DPP10: variants seen among roughly 807,000 people sequenced by gnomAD.
DPP10 encodes dipeptidyl peptidase like 10, also known as inactive dipeptidyl peptidase 10.
DPP10 carries 33 observed loss-of-function variants against 120.9 expected under a neutral mutation model. The observed-to-expected ratio is 0.27, with a 90% CI of 0.21 to 0.37. The LOEUF is 0.37. DPP10 is among the 10% of genes least tolerant of loss of function. The probability of loss-of-function intolerance (pLI) is 1.00; values close to 1 mark genes in which losing one functional copy is unlikely to be tolerated. For synonymous variants in DPP10, 337 were observed against 326.1 expected, an observed-to-expected ratio of 1.03 and a Z score of -0.36; for missense variants, 816 against 942.8, an observed-to-expected ratio of 0.87 and a Z score of 1.76.
chr2:115,437,752 A>G (rs1338369748), intron 3 of DPP10, among the ~76,000 whole-genome samples: 6 of 152,032 alleles, frequency 3.9e-5, no homozygotes, highest in African/African-American at 1.2e-4. Flanking sequence ...ATGTTCATCT[A>G]GTAGAAAATA....
At chr2:114,551,879 T>C (rs959260042) in intron 1 of DPP10, among the ~76,000 whole-genome samples, 4 of 152,164 alleles carry the variant, frequency 2.6e-5, no homozygotes, top group African/African-American at 9.7e-5. Context: ...TCAAATACTA[T>C]TGAGAAAAAT....
chr2:115,339,370 G>A (rs2063327760), intron 2 of DPP10, among the ~76,000 whole-genome samples: 1 of 151,626 alleles, frequency 6.6e-6, no homozygotes, highest in Admixed American at 6.6e-5. Flanking sequence ...AATGTAAAAT[G>A]GTAAAACTAC....
intron 1 of DPP10, among the ~76,000 whole-genome samples, chr2:114,843,420 C>T (rs1252035139): frequency 6.6e-6 from 1 of 152,092 alleles, no homozygotes; most frequent in Non-Finnish European, 1.5e-5. Flanking sequence ...GGCTCCACAC[C>T]TTCCTGTGCT....
chr2:115,367,422 C>T (rs1468036736), intron 3 of DPP10, among the ~76,000 whole-genome samples: 1 of 151,920 alleles, frequency 6.6e-6, no homozygotes, highest in Non-Finnish European at 1.5e-5. Flanking sequence ...CTACTATATA[C>T]AACTATATAT....
At chr2:115,309,452 G>A (rs538030841) in intron 2 of DPP10, 99 bp downstream of exon 2, 45 of 1,120,188 alleles carry the variant, frequency 4.0e-5, no homozygotes, top group Non-Finnish European at 5.3e-5. Context: ...GTATCTTAGG[G>A]CACATTAGCA....
At position 115,378,460 on chromosome 2, in the gene DPP10, A is replaced by G. The variant is rs896297371; in HGVS notation, c.271+34548A>G. On this transcript the variant is annotated intron_variant, in intron 3 of 25. Coordinates refer to ENST00000410059, the MANE Select transcript of DPP10 (RefSeq NM_020868.6). ...GCTTAAGGAGATTTTGGGCTGAGAC[A>G]ATGGGGTTTTCTAGATATAGAATCA... Among the ~76,000 whole-genome samples, 10 of 151,820 alleles carry G rather than the reference A, an allele frequency of 6.6e-5. No homozygotes were observed. In the East Asian group the frequency reaches 1.4e-3, roughly 21 times the overall value.
intron 1 of DPP10, among the ~76,000 whole-genome samples, chr2:114,863,283 C>T (rs1370307933): frequency 6.6e-6 from 1 of 152,124 alleles, no homozygotes; most frequent in East Asian, 1.9e-4. Context: ...GGAGAGAATG[C>T]TGAATTGTTG....
chr2:114,735,332 G>T (rs1416356348), intron 1 of DPP10, among the ~76,000 whole-genome samples: 1 of 152,050 alleles, frequency 6.6e-6, no homozygotes, highest in Non-Finnish European at 1.5e-5. Context: ...TGGCACCAGC[G>T]AATTTTTACT....
At chr2:114,586,449 T>C (rs1300873628) in intron 1 of DPP10, among the ~76,000 whole-genome samples, 1 of 152,222 alleles carries the variant, frequency 6.6e-6, no homozygotes, top group Admixed American at 6.5e-5. Flanking sequence ...TCCTAAACCT[T>C]AGTTTTCTTT....
At chr2:115,719,095 A>G (rs1359976153) in intron 7 of DPP10, among the ~76,000 whole-genome samples, 1 of 152,178 alleles carries the variant, frequency 6.6e-6, no homozygotes, top group Non-Finnish European at 1.5e-5. Flanking sequence ...AATAAGTTTT[A>G]TGAACTGACA....
chr2:115,370,444 TA>T (rs923039413), intron 3 of DPP10, among the ~76,000 whole-genome samples: 2 of 152,014 alleles, frequency 1.3e-5, no homozygotes, highest in African/African-American at 4.8e-5. Context: ...AGAAAATAAG[TA>T]AAGGCCTGGA....
chr2:115,270,066 T>TCA (rs57649162), intron 1 of DPP10, among the ~76,000 whole-genome samples: 6,806 of 130,600 alleles, frequency 0.052, 350 homozygotes, highest in African/African-American at 0.13. Context: ...TAGGTATACT[T>TCA]CACACACACA....
At chr2:114,843,114 A>C (rs13419705) in intron 1 of DPP10, among the ~76,000 whole-genome samples, 15,602 of 152,178 alleles carry the variant, frequency 0.1, 2,673 homozygotes, top group African/African-American at 0.36. Flanking sequence ...AATATGACCT[A>C]ATGGCATTTG....
chr2:115,688,314 T>A (rs2091121321), intron 5 of DPP10, among the ~76,000 whole-genome samples: 1 of 152,194 alleles, frequency 6.6e-6, no homozygotes, highest in Admixed American at 6.5e-5. Context: ...GCTTGCAATT[T>A]CATTGCAAAG....
At chr2:115,171,103 G>A (rs1559179873) in intron 1 of DPP10, among the ~76,000 whole-genome samples, 1 of 152,184 alleles carries the variant, frequency 6.6e-6, no homozygotes, top group East Asian at 1.9e-4. Flanking sequence ...GCTCGTGCCT[G>A]TAATCTCAGC....
At chr2:115,256,876 A>G (rs2059024538) in intron 1 of DPP10, among the ~76,000 whole-genome samples, 1 of 152,220 alleles carries the variant, frequency 6.6e-6, no homozygotes, top group Non-Finnish European at 1.5e-5. Context: ...AGAAGCAGCC[A>G]GGCCACATCT....
intron 3 of DPP10, among the ~76,000 whole-genome samples, chr2:115,482,258 T>C (rs1201057422): frequency 6.6e-6 from 1 of 151,764 alleles, no homozygotes; most frequent in Non-Finnish European, 1.5e-5. Context: ...GTCTATTTAA[T>C]GTATGTATAC....
intron 5 of DPP10, among the ~76,000 whole-genome samples, chr2:115,632,336 T>TG (rs948309031): frequency 1.4e-4 from 21 of 152,166 alleles, no homozygotes; most frequent in African/African-American, 4.8e-4. Flanking sequence ...AGCACACTGA[T>TG]GGGTCTTGAC....
intron 2 of DPP10, among the ~76,000 whole-genome samples, chr2:115,337,297 T>C (rs1387599208): frequency 6.6e-6 from 1 of 152,046 alleles, no homozygotes; most frequent in African/African-American, 2.4e-5. Flanking sequence ...TGGATTTCAG[T>C]TGGAAGAAGG....
Sources: allele counts gnomAD v4.1 joint callset (sites outside exome capture counted in the v4.1 genomes callset), GRCh38; gene constraint gnomAD v4.1.1; transcripts MANE v1.5; gene names NCBI Gene and HGNC (gene_info 2026-07-23, HGNC 2026-07-21).